GSE1: variants seen among roughly 807,000 people sequenced by gnomAD.
GSE1 encodes the protein genetic suppressor element 1.
GSE1 carries 32 observed loss-of-function variants against 112.6 expected under a neutral mutation model. The observed-to-expected ratio is 0.28, with a 90% confidence interval of 0.21 to 0.38. GSE1 has a LOEUF of 0.38. Among genes scored for constraint, GSE1 ranks in the 10% least tolerant of loss-of-function variants. The pLI is 1.00. For missense variants in GSE1, 2,348 were observed against 1,699.2 expected (o/e 1.38, Z -6.71); for synonymous variants, 1,115 against 735.6 (o/e 1.52, Z -8.35).
chr16:85,666,469 C>T (rs2052870353), intron 13 of GSE1, 122 bp downstream of exon 13: 1 of 869,510 alleles, frequency 1.2e-6, no homozygotes, highest in South Asian at 1.6e-5. Context: ...CTCCAATCAC[C>T]AGAAGAAAAT....
intron 2 of GSE1, among the ~76,000 whole-genome samples, chr16:85,539,588 T>C (rs1046885907): frequency 6.6e-6 from 1 of 152,190 alleles, no homozygotes; most frequent in African/African-American, 2.4e-5. Flanking sequence ...CTTTTTGCAA[T>C]AGTCATTACA....
At chr16:85,368,220 G>T (rs1188959173) in intron 2 of GSE1, among the ~76,000 whole-genome samples, 4 of 152,132 alleles carry the variant, frequency 2.6e-5, no homozygotes, top group Non-Finnish European at 4.4e-5. Flanking sequence ...GTTCCAAGCA[G>T]GTTCTTACTG....
intron 1 of GSE1, among the ~76,000 whole-genome samples, chr16:85,199,641 C>T (rs1034439355): frequency 3.9e-5 from 6 of 152,116 alleles, no homozygotes; most frequent in East Asian, 1.9e-4. Context: ...TGCTGCGGGC[C>T]GGAACACCGA....
intron 1 of GSE1, among the ~76,000 whole-genome samples, chr16:85,230,833 A>AGATGGATGGATG (rs201465688): frequency 5.3e-5 from 8 of 150,238 alleles, no homozygotes; most frequent in African/African-American, 2.0e-4. Context: ...GTGGAAGACT[A>AGATGGATGGATG]GATGGATGGA....
intron 2 of GSE1, among the ~76,000 whole-genome samples, chr16:85,371,263 A>T (rs993199727): frequency 6.6e-6 from 1 of 152,178 alleles, no homozygotes; most frequent in Non-Finnish European, 1.5e-5. Context: ...CCCCAAGTGG[A>T]AAGTGCTCCT....
At chr16:85,656,712 G>T in intron 7 of GSE1, 47 bp downstream of exon 7, 2 of 1,447,700 alleles carry the variant, frequency 1.4e-6, no homozygotes, top group Non-Finnish European at 9.1e-7. Context: ...TCAGCCACCC[G>T]CGGGGAGGAG....
At chr16:85,304,909 A>T (rs116926813) in intron 1 of GSE1, among the ~76,000 whole-genome samples, 5,053 of 152,270 alleles carry the variant, frequency 0.033, 132 homozygotes, top group Non-Finnish European at 0.047. Flanking sequence ...AAAAAAAATG[A>T]AGATAGCCCA....
At chr16:85,492,632 G>T (rs1435926847) in intron 2 of GSE1, among the ~76,000 whole-genome samples, 1 of 152,200 alleles carries the variant, frequency 6.6e-6, no homozygotes, top group Non-Finnish European at 1.5e-5. Flanking sequence ...CTCCGAAGTG[G>T]CAGAGGTTGG....
chr16:85,512,250 A>G (rs921628516), intron 2 of GSE1, among the ~76,000 whole-genome samples: 2 of 152,168 alleles, frequency 1.3e-5, no homozygotes, highest in African/African-American at 4.8e-5. Context: ...CCCAGGCAGT[A>G]TTCACCGCAG....
rs1003687929 is a variant in GSE1, at chr16:85,617,606, C to A, written c.7+4208C>A. On this transcript the variant is annotated intron_variant, in intron 1 of 15. Transcript: ENST00000253458. Reference sequence around the variant, plus strand: ...TCCGTGTGTCAACCCTCCCCCCCCCCCCCCCGTTAACTGCCACGTGCAGCC... The same window carrying A: ...TCCGTGTGTCAACCCTCCCCCCCCCACCCCCGTTAACTGCCACGTGCAGCC... Among the ~76,000 whole-genome samples the A allele has an allele frequency of 9.3e-5, 10 of 107,474 alleles. 1 individual carries two copies. In the East Asian group the frequency reaches 1.3e-3, roughly 14 times the overall value. The allele number at this position is 107,474 out of a possible 152,430, so 70.5% of individuals were successfully genotyped here. A position where few individuals can be genotyped will look rare whatever the true frequency, so the allele number is the denominator to read the frequency against.
chr16:85,555,724 A>T, upstream of GSE1: 1 of 959,898 alleles, frequency 1.0e-6, no homozygotes, highest in African/African-American at 2.0e-5. Context: ...ACCCTGTTGG[A>T]AACAGGTCTC....
chr16:85,656,456 A>C lies in GSE1; in HGVS notation c.1103A>C (p.Glu368Ala), dbSNP rs762519565. ...EKEREREREKEREQEKERERE... is the reference protein window; with the variant it reads ...EKEREREREKAREQEKERERE... ...GAACGTGAGCGCGAACGCGAGAAGG[A>C]GCGCGAGCAAGAGAAGGAGCGTGAG... The change falls in exon 7 of 16, where the codon GAG (glutamate) becomes GCG (alanine). Residue 368 changes from glutamate to alanine, a missense_variant. Coordinates refer to ENST00000253458, the MANE Select transcript of GSE1 (RefSeq NM_014615.5). The C allele has an allele frequency of 3.2e-6, 5 of 1,547,166 alleles. No individual in the cohort carries two copies. In the South Asian group the frequency reaches 3.5e-5, roughly 11 times the overall value.
intron 2 of GSE1, among the ~76,000 whole-genome samples, chr16:85,485,954 G>A (rs978971667): frequency 2.0e-5 from 3 of 152,216 alleles, no homozygotes; most frequent in East Asian, 1.9e-4. Flanking sequence ...AGCCTGCACT[G>A]GCCGCTGCCT....
intron 2 of GSE1, among the ~76,000 whole-genome samples, chr16:85,372,123 C>G (rs2047314156): frequency 6.6e-6 from 1 of 152,252 alleles, no homozygotes; most frequent in South Asian, 2.1e-4. Flanking sequence ...TGGCTGGTTT[C>G]ACAGCTAGCG....
chr16:85,461,698 T>C (rs1208883793), intron 2 of GSE1, among the ~76,000 whole-genome samples: 1 of 152,176 alleles, frequency 6.6e-6, no homozygotes, highest in Non-Finnish European at 1.5e-5. Context: ...CTGCAGTCGG[T>C]GGGCTGGGAT....
intron 2 of GSE1, among the ~76,000 whole-genome samples, chr16:85,524,836 C>T (rs967686133): frequency 1.3e-5 from 2 of 152,162 alleles, no homozygotes. Flanking sequence ...GCAGCCGGTC[C>T]ATGGTCCTGG....
chr16:85,670,907 T>G (rs1028168502), intron 14 of GSE1, 88 bp from the exon 15 acceptor site: 23 of 816,602 alleles, frequency 2.8e-5, no homozygotes, highest in Non-Finnish European at 4.9e-5. Context: ...TTTTGGGCTC[T>G]GCTGGGCAGG....
chr16:85,591,582 C>T (rs927654846), intron 1 of GSE1, among the ~76,000 whole-genome samples: 2 of 152,342 alleles, frequency 1.3e-5, no homozygotes, highest in East Asian at 1.9e-4. Flanking sequence ...CAGTGCCCCC[C>T]GTGGCAAGAC....
At chr16:85,635,281 G>A (rs181959507) in intron 2 of GSE1, among the ~76,000 whole-genome samples, 3 of 152,272 alleles carry the variant, frequency 2.0e-5, no homozygotes, top group Admixed American at 2.0e-4. Flanking sequence ...GTTGGGGTCT[G>A]GTTTCCGTAC....
Sources: gnomAD v4.1 joint callset for allele counts (sites outside exome capture counted in the v4.1 genomes callset) on GRCh38, gnomAD v4.1.1 for gene constraint, MANE v1.5 for transcripts, NCBI Gene and HGNC (gene_info 2026-07-23, HGNC 2026-07-21) for gene names.